Variants in WWP2 observed in about 807,000 individuals in gnomAD.
WWP2 encodes the protein WW domain containing E3 ubiquitin protein ligase 2, also known as NEDD4-like E3 ubiquitin-protein ligase WWP2.
Under a neutral mutation model 121.0 loss-of-function variants are expected in WWP2, and 57 were observed. The observed-to-expected ratio is 0.47, with a 90% confidence interval of 0.38 to 0.59. The LOEUF is 0.59. Ranked by LOEUF, WWP2 falls within the 20% of genes least tolerant of loss-of-function variation. WWP2 has a pLI of 0.00. For synonymous variants in WWP2, 449 were observed against 441.3 expected (o/e 1.02, Z -0.22); for missense variants, 962 against 1,158.9 (o/e 0.83, Z 2.47).
intron 8 of WWP2, among the ~76,000 whole-genome samples, chr16:69,898,023 C>T (rs1276287602): frequency 8.5e-6 from 1 of 117,216 alleles, no homozygotes. Flanking sequence ...TCTTTTCTTT[C>T]TTTCTTTTTT....
rs1052516293 is a variant in WWP2, at chr16:69,858,057, G to A, written c.576-13747G>A. ...TACTCATTATTTTGTAGTGGAGAAT[G>A]GGAGATTAGGGCCCGGTTGGTTTTG... On this transcript the variant is annotated intron_variant, in intron 6 of 23. Coordinates refer to ENST00000359154, the MANE Select transcript of WWP2 (RefSeq NM_001270454.2). 2.0e-5 allele frequency among the ~76,000 whole-genome samples: 3 copies of A among 152,150 alleles called. No homozygotes were observed. In the East Asian group the frequency reaches 5.8e-4, roughly 29 times the overall value.
Position 69,837,364 on chromosome 16 carries a change from C to T in WWP2, c.341-2762C>T, listed in dbSNP as rs2056895406. Reference sequence around the variant, plus strand: ...TACAGGCATGAGCCACTGCACCCAGCCCATTGGCTCTTTTTGAAGACAAAA... The same window carrying T: ...TACAGGCATGAGCCACTGCACCCAGTCCATTGGCTCTTTTTGAAGACAAAA... On this transcript the variant is annotated intron_variant, in intron 4 of 23. Coordinates refer to ENST00000359154, the MANE Select transcript of WWP2 (RefSeq NM_001270454.2). Among the ~76,000 whole-genome samples the T allele has an allele frequency of 1.3e-5, 2 of 152,218 alleles. 1 individual carries two copies. The highest frequency in any genetic ancestry group is 4.1e-4 in the South Asian group (2 of 4,828).
At chr16:69,877,473 A>G (rs766150913) in intron 7 of WWP2, among the ~76,000 whole-genome samples, 4 of 152,090 alleles carry the variant, frequency 2.6e-5, no homozygotes, top group African/African-American at 4.8e-5. Flanking sequence ...TCTCCCTATC[A>G]CTTTTCTTGG....
chr16:69,816,577 C>T (rs1434168844), intron 4 of WWP2, among the ~76,000 whole-genome samples: 1 of 150,736 alleles, frequency 6.6e-6, no homozygotes, highest in Non-Finnish European at 1.5e-5. Flanking sequence ...AAATTAAAAA[C>T]ATTATTAGTA....
Position 69,762,332 on chromosome 16 carries a change from G to A in WWP2, c.-75G>A, listed in dbSNP as rs1364241845. 6.6e-6 allele frequency: 1 copy of A among 151,976 alleles called. No individual in the cohort carries two copies. The highest frequency in any genetic ancestry group is 6.6e-5 in the Admixed American group (1 of 15,250). The allele number at this position is 151,976 out of a possible 1,614,324, so 9.4% of individuals were successfully genotyped here. ...CGCGGTCACGTGACCCGGCCCGAGT[G>A]CGGGCGGTGGAAGGCGGAAGTAGGA... is the stretch of plus-strand genomic sequence containing the variant. On this transcript the variant is annotated 5_prime_UTR_variant, in exon 1 of 24. Transcript: ENST00000359154.
intron 8 of WWP2, 27 bp downstream of exon 8, chr16:69,888,276 A>G: frequency 6.2e-7 from 1 of 1,604,244 alleles, no homozygotes; most frequent in Non-Finnish European, 8.5e-7. Flanking sequence ...CCCATAACAG[A>G]TCTCTCCTCC....
rs2057640895 is a variant in WWP2 at position 69,871,789 on chromosome 16, A to T, written c.576-15A>T. 1.2e-6 allele frequency: 2 copies of T among 1,613,664 alleles called. No homozygotes were observed. The highest frequency in any genetic ancestry group is 2.2e-5 in the South Asian group (2 of 91,062). On this transcript the variant is annotated splice_polypyrimidine_tract_variant and intron_variant, in intron 6 of 23. Transcript: ENST00000359154. ...AGTGACTTATGTCTGTCTGCTTTCT[A>T]CTTTGAACCCCCAGGACGCACAGAC... is the stretch of plus-strand genomic sequence containing the variant.
At chr16:69,933,472 A>G (rs1200768288) in intron 16 of WWP2, among the ~76,000 whole-genome samples, 1 of 152,146 alleles carries the variant, frequency 6.6e-6, no homozygotes, top group Non-Finnish European at 1.5e-5. Context: ...ATTGTCATGG[A>G]TCGGGGTTGG....
At chr16:69,915,739 A>G (rs576851242) in intron 9 of WWP2, among the ~76,000 whole-genome samples, 2 of 152,204 alleles carry the variant, frequency 1.3e-5, no homozygotes, top group African/African-American at 4.8e-5. Flanking sequence ...AAAACTATAT[A>G]CATATGACTT....
intron 7 of WWP2, among the ~76,000 whole-genome samples, chr16:69,878,549 TG>T (rs1339896621): frequency 6.6e-6 from 1 of 152,136 alleles, no homozygotes; most frequent in African/African-American, 2.4e-5. Flanking sequence ...TCTTATAGAA[TG>T]GGGGTCTCAT....
intron 8 of WWP2, among the ~76,000 whole-genome samples, chr16:69,904,267 C>G (rs2058252759): frequency 6.6e-6 from 1 of 152,194 alleles, no homozygotes. Context: ...GCCAAATCCC[C>G]ACAGACGAAA....
intron 6 of WWP2, among the ~76,000 whole-genome samples, chr16:69,860,566 C>A (rs74029720): frequency 6.6e-6 from 1 of 152,186 alleles, no homozygotes; most frequent in Admixed American, 6.5e-5. Context: ...GAAGAGAATG[C>A]CGGGCAAGTA....
Position 69,860,767 on chromosome 16 carries a change from C to T in WWP2, c.576-11037C>T, listed in dbSNP as rs1254957305. Among the ~76,000 whole-genome samples, 4 of 151,514 alleles carry T rather than the reference C, an allele frequency of 2.6e-5. No homozygotes were observed. The South Asian group carries it at 6.3e-4, about 24-fold the overall frequency. Reference sequence around the variant, plus strand: ...CTCTAATCCCAACACTTTGGGAGGCCGAGGCTGGAGGATTGCTTGAGGCCA... The same window carrying T: ...CTCTAATCCCAACACTTTGGGAGGCTGAGGCTGGAGGATTGCTTGAGGCCA... On this transcript the variant is annotated intron_variant, in intron 6 of 23. Coordinates refer to ENST00000359154, the MANE Select transcript of WWP2 (RefSeq NM_001270454.2).
chr16:69,825,485 G>A (rs2056670028), intron 4 of WWP2, among the ~76,000 whole-genome samples: 2 of 151,926 alleles, frequency 1.3e-5, no homozygotes, highest in Admixed American at 1.3e-4. Flanking sequence ...AAAGGCTTTG[G>A]AATGTGTGCA....
intron 4 of WWP2, among the ~76,000 whole-genome samples, chr16:69,820,825 T>TACACACACACACACACAC (rs34214656): frequency 1.4e-5 from 2 of 144,068 alleles, no homozygotes; most frequent in Admixed American, 7.1e-5. Context: ...TACATGCATA[T>TACACACACACACACACAC]ACACACACAC....
intron 15 of WWP2, 76 bp from the exon 16 acceptor site, chr16:69,931,726 G>A (rs1373315270): frequency 1.3e-6 from 2 of 1,581,936 alleles, no homozygotes; most frequent in Admixed American, 1.7e-5. Context: ...TTGGGCCTTA[G>A]AGTCCCCTGT....
chr16:69,778,185 TA>T (rs1375135255), intron 1 of WWP2, among the ~76,000 whole-genome samples: 3 of 89,826 alleles, frequency 3.3e-5, no homozygotes, highest in Admixed American at 2.4e-4. Flanking sequence ...TATATATATA[TA>T]TATATATTTT....
At chr16:69,888,271 A>G in intron 8 of WWP2, 22 bp downstream of exon 8, 2 of 1,608,344 alleles carry the variant, frequency 1.2e-6, no homozygotes, top group East Asian at 4.5e-5. Flanking sequence ...TCTGTCCCAT[A>G]ACAGATCTCT....
chr16:69,919,152 A>ATTTTC (rs1178595445), intron 10 of WWP2, among the ~76,000 whole-genome samples: 2 of 147,444 alleles, frequency 1.4e-5, no homozygotes, highest in African/African-American at 2.5e-5. Flanking sequence ...CCACATTTAA[A>ATTTTC]TTTTCTTTTC....
Sources: gnomAD v4.1 joint callset for allele counts (sites outside exome capture counted in the v4.1 genomes callset) on GRCh38, gnomAD v4.1.1 for gene constraint, MANE v1.5 for transcripts, NCBI Gene and HGNC (gene_info 2026-07-23, HGNC 2026-07-21) for gene names.